TMEM132C: variants seen among roughly 807,000 people sequenced by gnomAD.
TMEM132C encodes transmembrane protein 132C.
Under a neutral mutation model 61.4 loss-of-function variants are expected in TMEM132C, and 29 were observed. The ratio of observed to expected loss-of-function variants is 0.47; its 90% CI spans 0.35 to 0.64. The LOEUF is 0.64. TMEM132C is among the 30% of genes least tolerant of loss of function. TMEM132C has a pLI of 0.00. For synonymous variants in TMEM132C, 656 were observed against 633.1 expected, an observed-to-expected ratio of 1.04 and a Z score of -0.54; for missense variants, 1,408 against 1,476.9, an observed-to-expected ratio of 0.95 and a Z score of 0.76.
rs112637631 is a variant in TMEM132C at position 128,327,604 on chromosome 12, C to T, written c.85+60117C>T. Among the ~76,000 whole-genome samples, 280 of 152,160 alleles carry T rather than the reference C, an allele frequency of 1.8e-3. 1 individual carries two copies. Among genetic ancestry groups the T allele is most frequent in the African/African-American group, 6.3e-3 (261 of 41,500 alleles). ...TTCACCGTGTTAGCCAGGATGGTCT[C>T]GATCTCCTGACCTCGTGATCTGCCC... is the stretch of plus-strand genomic sequence containing the variant. On this transcript the variant is annotated intron_variant, in intron 1 of 8. Coordinates refer to ENST00000435159, the MANE Select transcript of TMEM132C (RefSeq NM_001136103.3).
intron 1 of TMEM132C, among the ~76,000 whole-genome samples, chr12:128,334,513 CT>C (rs1441547039): frequency 2.6e-5 from 4 of 152,078 alleles, no homozygotes; most frequent in Non-Finnish European, 5.9e-5. Flanking sequence ...TATCAAAAAT[CT>C]TTTTTATCTC....
chr12:128,507,786 A>G (rs1872425580), intron 2 of TMEM132C, among the ~76,000 whole-genome samples: 1 of 152,202 alleles, frequency 6.6e-6, no homozygotes, highest in South Asian at 2.1e-4. Context: ...TCACTCCTCC[A>G]AGGCTCCGCA....
intron 2 of TMEM132C, among the ~76,000 whole-genome samples, chr12:128,494,784 T>C (rs1871880895): frequency 2.0e-5 from 3 of 152,076 alleles, no homozygotes; most frequent in Admixed American, 1.3e-4. Flanking sequence ...GTTGATCTTT[T>C]CAAAAAACCA....
At chr12:128,636,567 TG>T (rs1392463999) in intron 4 of TMEM132C, among the ~76,000 whole-genome samples, 2 of 3,252 alleles carry the variant, frequency 6.2e-4, no homozygotes, top group African/African-American at 8.4e-4. Flanking sequence ...TTTTTGTTTG[TG>T]TGTGTGTGTG....
chr12:128,461,033 A>G (rs1389853121), intron 2 of TMEM132C, among the ~76,000 whole-genome samples: 4 of 152,178 alleles, frequency 2.6e-5, no homozygotes, highest in African/African-American at 9.7e-5. Flanking sequence ...AAGAAAGTTA[A>G]TGAAGGCATG....
chr12:128,456,893 A>G (rs1870364812), intron 2 of TMEM132C, among the ~76,000 whole-genome samples: 1 of 152,162 alleles, frequency 6.6e-6, no homozygotes, highest in African/African-American at 2.4e-5. Context: ...CTTTAACTTC[A>G]TATAAGTGGA....
intron 5 of TMEM132C, among the ~76,000 whole-genome samples, chr12:128,687,695 G>A (rs1954688225): frequency 1.3e-5 from 2 of 152,194 alleles, no homozygotes; most frequent in Admixed American, 6.5e-5. Flanking sequence ...ACATCGGAGA[G>A]GAACTTGTAC....
intron 2 of TMEM132C, among the ~76,000 whole-genome samples, chr12:128,524,624 A>C (rs1374640401): frequency 2.0e-5 from 3 of 152,194 alleles, no homozygotes; most frequent in African/African-American, 7.2e-5. Flanking sequence ...CCTACTCATT[A>C]AAATTCCACC....
chr12:128,305,422 G>T (rs1871736720), intron 1 of TMEM132C, among the ~76,000 whole-genome samples: 1 of 152,012 alleles, frequency 6.6e-6, no homozygotes. Flanking sequence ...TTGCTCAAGA[G>T]CTGGAAGGCC....
At chr12:128,462,932 G>A (rs962376954) in intron 2 of TMEM132C, among the ~76,000 whole-genome samples, 6 of 152,214 alleles carry the variant, frequency 3.9e-5, no homozygotes, top group Admixed American at 3.3e-4. Context: ...AATACACCTG[G>A]AGGTATGTAG....
At chr12:128,657,367 G>A (rs944704958) in intron 4 of TMEM132C, among the ~76,000 whole-genome samples, 3 of 152,130 alleles carry the variant, frequency 2.0e-5, no homozygotes, top group African/African-American at 4.8e-5. Flanking sequence ...ATCATTGTTT[G>A]GTAGCTAGAA....
At chr12:128,487,321 T>C (rs969023243) in intron 2 of TMEM132C, among the ~76,000 whole-genome samples, 2 of 152,158 alleles carry the variant, frequency 1.3e-5, no homozygotes, top group African/African-American at 4.8e-5. Flanking sequence ...CCCGACCAAC[T>C]TCACTATGTT....
chr12:128,346,669 TG>T (rs1873168517), intron 1 of TMEM132C, among the ~76,000 whole-genome samples: 1 of 152,178 alleles, frequency 6.6e-6, no homozygotes, highest in Non-Finnish European at 1.5e-5. Flanking sequence ...GAGTTGTGAA[TG>T]GGAATAGGTT....
intron 1 of TMEM132C, among the ~76,000 whole-genome samples, chr12:128,389,634 C>T (rs915369555): frequency 2.6e-5 from 4 of 152,078 alleles, no homozygotes; most frequent in Admixed American, 2.6e-4. Context: ...CATGAAAAGC[C>T]TCCATGAGGA....
intron 2 of TMEM132C, among the ~76,000 whole-genome samples, chr12:128,462,749 A>G (rs1446310979): frequency 6.6e-6 from 1 of 152,218 alleles, no homozygotes; most frequent in African/African-American, 2.4e-5. Flanking sequence ...GTAAGCCACA[A>G]AAAGGAATGC....
At chr12:128,294,094 G>A (rs565272594) in intron 1 of TMEM132C, 95 of 154,854 alleles carry the variant, frequency 6.1e-4, no homozygotes, top group African/African-American at 2.1e-3. Context: ...TCACTTTGGG[G>A]ACTGGGGATG....
At chr12:128,533,964 C>CACAT (rs1873424806) in intron 2 of TMEM132C, among the ~76,000 whole-genome samples, 1 of 151,560 alleles carries the variant, frequency 6.6e-6, no homozygotes, top group Non-Finnish European at 1.5e-5. Context: ...CACACACACA[C>CACAT]ACACACACAC....
At chr12:128,530,518 A>G (rs1285565484) in intron 2 of TMEM132C, among the ~76,000 whole-genome samples, 1 of 151,572 alleles carries the variant, frequency 6.6e-6, no homozygotes, top group Admixed American at 6.6e-5. Context: ...ATCTCGGCTC[A>G]CTGCAGCCTC....
chr12:128,536,771 G>A (rs1180604928), intron 2 of TMEM132C, among the ~76,000 whole-genome samples: 5 of 152,174 alleles, frequency 3.3e-5, no homozygotes, highest in African/African-American at 7.2e-5. Context: ...GTGTGTGTCT[G>A]TGTGTGTAAG....
Sources: allele counts gnomAD v4.1 joint callset (sites outside exome capture counted in the v4.1 genomes callset), GRCh38; gene constraint gnomAD v4.1.1; transcripts MANE v1.5; gene names NCBI Gene and HGNC (gene_info 2026-07-23, HGNC 2026-07-21).